Variants in DNAH7 observed in about 807,000 individuals in gnomAD.
DNAH7 encodes the protein axonemal beta dynein heavy chain 7.
Under a neutral mutation model 444.6 loss-of-function variants are expected in DNAH7, and 397 were observed. The ratio of observed to expected loss-of-function variants is 0.89; its 90% confidence interval spans 0.82 to 0.97. DNAH7 has a LOEUF of 0.97. Among genes scored for constraint, DNAH7 ranks in the 50% least tolerant of loss-of-function variants. The pLI, the probability that DNAH7 is intolerant of heterozygous loss-of-function variation, is 0.00. For synonymous variants in DNAH7, 1,636 were observed against 1,624.4 expected (o/e 1.01, Z -0.17); for missense variants, 4,902 against 4,800.8 (o/e 1.02, Z -0.62).
rs374615087 is a variant in DNAH7, at chr2:196,055,698, C to T, written c.78+2356G>A. On this transcript the variant is annotated intron_variant, in intron 2 of 64. Transcript: ENST00000312428. ...AGTTATAGATGACAGAGAGGAATGG[C>T]TCTGGGATGTCTAGTCCAAGTGCCC... 5.7e-4 allele frequency among the ~76,000 whole-genome samples: 87 copies of T among 152,308 alleles called. 2 individuals are homozygous for T. The South Asian group carries it at 0.018, about 32-fold the overall frequency.
At chr2:196,038,546 T>C (rs533611236) in intron 5 of DNAH7, among the ~76,000 whole-genome samples, 2 of 152,202 alleles carry the variant, frequency 1.3e-5, no homozygotes, top group African/African-American at 2.4e-5. Flanking sequence ...TACAGACTAG[T>C]TGAGTTGATT....
intron 51 of DNAH7, among the ~76,000 whole-genome samples, chr2:195,810,269 GCTT>G (rs1381888953): frequency 3.3e-5 from 5 of 151,974 alleles, no homozygotes; most frequent in East Asian, 1.9e-4. Context: ...AAAATTAGTA[GCTT>G]CTTTATTAAA....
At chr2:195,971,345 G>A (rs1308242684) in intron 16 of DNAH7, among the ~76,000 whole-genome samples, 2 of 152,176 alleles carry the variant, frequency 1.3e-5, no homozygotes, top group South Asian at 2.1e-4. Flanking sequence ...ATTTCTGTGT[G>A]TCAGTCACTG....
chr2:195,984,207 A>T (rs772301342), intron 15 of DNAH7, among the ~76,000 whole-genome samples: 1 of 152,248 alleles, frequency 6.6e-6, no homozygotes, highest in Non-Finnish European at 1.5e-5. Flanking sequence ...TAGTTAGACT[A>T]GTCAACCCAA....
intron 47 of DNAH7, among the ~76,000 whole-genome samples, chr2:195,842,753 C>G (rs1698758152): frequency 6.6e-6 from 1 of 152,082 alleles, no homozygotes; most frequent in Admixed American, 6.5e-5. Flanking sequence ...AAAATAATCA[C>G]TGAATGGTTT....
rs1339191813 is a variant in DNAH7, at chr2:195,900,358, T to C, written c.4472A>G (p.Gln1491Arg). The C allele has an allele frequency of 4.3e-6, 7 of 1,614,062 alleles. No homozygotes were observed. Among genetic ancestry groups the C allele is most frequent in the Admixed American group, 1.7e-5 (1 of 60,018 alleles). The change falls in exon 28 of 65, where the codon CAG becomes CGG. Residue 1491 changes from glutamine to arginine, a missense_variant. Transcript: ENST00000312428. ...IVATYRLCSE[Q>R]LSSQHHYDYG... ...GTCGTAGTGATGTTGAGATGACAGC[T>C]GCTCTGAACACAAGCGATACGTAGC...
chr2:195,838,236 A>T (rs995043933), intron 47 of DNAH7, among the ~76,000 whole-genome samples: 2 of 152,138 alleles, frequency 1.3e-5, no homozygotes, highest in Non-Finnish European at 2.9e-5. Context: ...TGCTAAACCA[A>T]AAAATCAATC....
chr2:196,023,538 C>G (rs1366255774), intron 8 of DNAH7, among the ~76,000 whole-genome samples: 1 of 152,204 alleles, frequency 6.6e-6, no homozygotes, highest in Non-Finnish European at 1.5e-5. Flanking sequence ...AGCTTCCTTA[C>G]CTTTCTCAGC....
At chr2:195,891,596 T>C in intron 31 of DNAH7, 59 bp downstream of exon 31, 1 of 1,405,948 alleles carries the variant, frequency 7.1e-7, no homozygotes. Context: ...AATCAGAAAT[T>C]GGTCAGAAAT....
intron 42 of DNAH7, 98 bp from the exon 43 acceptor site, chr2:195,858,902 A>G (rs1463718810): frequency 1.0e-6 from 1 of 999,888 alleles, no homozygotes; most frequent in East Asian, 2.4e-5. Flanking sequence ...CTTTTTCAAG[A>G]CATAACTACG....
intron 4 of DNAH7, 147 bp from the exon 5 acceptor site, chr2:196,047,646 A>C: frequency 1.9e-6 from 1 of 519,384 alleles, no homozygotes; most frequent in Non-Finnish European, 3.1e-6. Context: ...TTTTTTTACT[A>C]TCAGGAGGTT....
chr2:195,971,251 T>G (rs1483556855), intron 16 of DNAH7, among the ~76,000 whole-genome samples: 1 of 152,216 alleles, frequency 6.6e-6, no homozygotes, highest in Non-Finnish European at 1.5e-5. Flanking sequence ...TCTTAATCTT[T>G]GGGAAACTTA....
At chr2:195,889,041 G>C (rs1701865441) in intron 31 of DNAH7, 60 bp from the exon 32 acceptor site, 2 of 1,442,080 alleles carry the variant, frequency 1.4e-6, no homozygotes, top group Non-Finnish European at 1.9e-6. Flanking sequence ...TAAAGAAACA[G>C]TTCAATAATA....
chr2:195,930,488 C>G lies in DNAH7; in HGVS notation c.3472-3922G>C, dbSNP rs1688618924. Among the ~76,000 whole-genome samples the G allele has an allele frequency of 2.0e-5, 3 of 152,084 alleles. No individual in the cohort carries two copies. The South Asian group carries it at 6.2e-4, about 32-fold the overall frequency. On this transcript the variant is annotated intron_variant, in intron 21 of 64. Coordinates refer to ENST00000312428, the MANE Select transcript of DNAH7 (RefSeq NM_018897.3). ...TACCAAAATGAGATATCATCTCACC[C>G]CACTCAGAATGGCTATTACTAAAAA...
intron 24 of DNAH7, among the ~76,000 whole-genome samples, chr2:195,919,781 T>C (rs1687913594): frequency 6.6e-6 from 1 of 152,194 alleles, no homozygotes; most frequent in South Asian, 2.1e-4. Context: ...TAGAGATGAC[T>C]GGGTTGATAA....
chr2:196,011,000 G>C (rs1327488760), intron 10 of DNAH7, among the ~76,000 whole-genome samples: 1 of 152,158 alleles, frequency 6.6e-6, no homozygotes, highest in African/African-American at 2.4e-5. Flanking sequence ...GAGAAGCTAG[G>C]AAGGGCAGGT....
intron 1 of DNAH7, among the ~76,000 whole-genome samples, chr2:196,064,429 ATC>A (rs1247278626): frequency 4.6e-5 from 7 of 152,078 alleles, no homozygotes; most frequent in East Asian, 1.9e-4. Flanking sequence ...CAATTAATTT[ATC>A]TGTTTCCTGT....
At chr2:195,874,283 C>T (rs1574633268) in intron 38 of DNAH7, among the ~76,000 whole-genome samples, 1 of 152,058 alleles carries the variant, frequency 6.6e-6, no homozygotes, top group South Asian at 2.1e-4. Flanking sequence ...TTCCTTTGAG[C>T]TTATACATTT....
In DNAH7 at chr2:195,824,266, T is replaced by C. The variant is rs1292606356; in HGVS notation, c.9280A>G (p.Thr3094Ala). 4.3e-6 allele frequency: 7 copies of C among 1,612,338 alleles called. No homozygotes were observed. The highest frequency in any genetic ancestry group is 2.2e-5 in the South Asian group (2 of 90,634). The change falls in exon 49 of 65, where the codon ACA (threonine) becomes GCA (alanine). Residue 3094 changes from threonine to alanine, a missense_variant. By Grantham distance (58) the Thr-to-Ala change is moderately conservative (BLOSUM62 0). Transcript: ENST00000312428. ...KLRNPHYLPE[T>A]SVKVTLLNFM... is the part of the protein sequence containing the mutation. ...TTTTATATACTGGCCTTTACTGATG[T>C]TTCAGGAAGATAATGAGGATTTCTT...
Sources: gnomAD v4.1 joint callset for allele counts (sites outside exome capture counted in the v4.1 genomes callset) on GRCh38, gnomAD v4.1.1 for gene constraint, MANE v1.5 for transcripts, NCBI Gene and HGNC (gene_info 2026-07-23, HGNC 2026-07-21) for gene names.